GIGYF1: variants seen among roughly 807,000 people sequenced by gnomAD.
GIGYF1 encodes GRB10 interacting GYF protein 1, also known as GRB10-interacting GYF protein 1.
GIGYF1 carries 84 observed loss-of-function variants against 147.1 expected under a neutral mutation model. That is an observed-to-expected ratio of 0.57 (90% CI 0.48 to 0.68). GIGYF1 has a LOEUF of 0.68. Ranked by LOEUF, GIGYF1 falls within the 30% of genes least tolerant of loss-of-function variation. GIGYF1 has a pLI of 0.00. For missense variants in GIGYF1, 1,485 were observed against 1,393.7 expected, an observed-to-expected ratio of 1.07 and a Z score of -1.04; for synonymous variants, 752 against 589.5, an observed-to-expected ratio of 1.28 and a Z score of -3.99.
In GIGYF1 at chr7:100,688,524, G is replaced by A. The variant is rs1017606691; in HGVS notation, c.-134-9C>T. 23 of 661,014 alleles carry A rather than the reference G, an allele frequency of 3.5e-5. No homozygotes were observed. The highest frequency in any genetic ancestry group is 5.6e-5 in the Non-Finnish European group (20 of 358,518). 40.9% of individuals were successfully genotyped at this position (661,014 alleles called of 1,614,324 possible). A position where few individuals can be genotyped will look rare whatever the true frequency, so the allele number is the denominator to read the frequency against. On this transcript the variant is annotated splice_polypyrimidine_tract_variant and intron_variant, in intron 2 of 26. Coordinates refer to ENST00000678049, the MANE Select transcript of GIGYF1 (RefSeq NM_001375765.1). The stretch of plus-strand genomic sequence containing the variant: ...TCCAGACGGTGAAAGACCTGGGGGA[G>A]GCGAGGAGATGGGAAGCTCGAGTCC...
intron 19 of GIGYF1, 56 bp from the exon 20 acceptor site, chr7:100,683,688 C>T (rs541968558): frequency 3.8e-5 from 59 of 1,572,856 alleles, no homozygotes; most frequent in Non-Finnish European, 5.0e-5. Context: ...GCCCACTGAT[C>T]TAGTCCAGCC....
rs1209697423 is a variant in GIGYF1, at chr7:100,684,404, G to T, written c.1629+46C>A. 2.5e-6 allele frequency: 4 copies of T among 1,606,430 alleles called. No homozygotes were observed. In the African/African-American group the frequency reaches 5.3e-5, roughly 21 times the overall value. On this transcript the variant is annotated intron_variant, in intron 16 of 26. Coordinates refer to ENST00000678049, the MANE Select transcript of GIGYF1 (RefSeq NM_001375765.1). The stretch of plus-strand genomic sequence containing the variant: ...AGGGGACTCTGCTGGACTCCTGCCG[G>T]CACCCCTCACACCCTGTCCCTCCAT...
chr7:100,685,399 C>T lies in GIGYF1; in HGVS notation c.1137G>A (p.Trp379Ter). The T allele has an allele frequency of 1.3e-6, 2 of 1,591,046 alleles. No homozygotes were observed. Among genetic ancestry groups the T allele is most frequent in the Non-Finnish European group, 1.7e-6 (2 of 1,174,516 alleles). Residue 379 changes from tryptophan to a stop codon, truncating the protein, a stop_gained, in exon 13 of 27, where the codon TGG (tryptophan) becomes TGA (stop). Transcript: ENST00000678049. LOFTEE classifies it high-confidence loss of function. ...PSPLPTLGPL[W>*]GTNGDGDETA... Reference sequence around the variant, plus strand: ...TTTCGTCCCCATCCCCGTTTGTCCCCCAGAGTGGGCCCAGGGTGGGCAGTG... The same window carrying T: ...TTTCGTCCCCATCCCCGTTTGTCCCTCAGAGTGGGCCCAGGGTGGGCAGTG...
In GIGYF1 at chr7:100,686,656, G is replaced by A. The variant is rs1393200204; in HGVS notation, c.687C>T (p.Ala229=). The A allele has an allele frequency of 1.9e-6, 3 of 1,611,310 alleles. No homozygotes were observed. Among genetic ancestry groups the A allele is most frequent in the South Asian group, 1.1e-5 (1 of 90,914 alleles). ...PRRDGDRWRS[A]SPDGGPRSAG... is the part of the protein sequence containing the mutation. ...ACCAGGCCCCAATCTCACCAGGGCT[G>A]GCGGAGCGCCAGCGGTCGCCGTCTC... Residue 229 remains alanine, a synonymous_variant, in exon 10 of 27, where the codon GCC becomes GCT. Transcript: ENST00000678049.
rs1805096722 is a variant in GIGYF1, at chr7:100,684,226, G to A, written c.1730+11C>T. 6.2e-7 allele frequency: 1 copy of A among 1,609,866 alleles called. No homozygotes were observed. The highest frequency in any genetic ancestry group is 1.3e-5 in the African/African-American group (1 of 74,858). On this transcript the variant is annotated intron_variant, in intron 17 of 26. Coordinates refer to ENST00000678049, the MANE Select transcript of GIGYF1 (RefSeq NM_001375765.1). ...CGGGCCTTCTCCCAGCCCACCCCAG[G>A]CCCCCCATACCTGCTGACCAGCTGG...
At chr7:100,693,013 G>A (rs1805938973) in intron 1 of GIGYF1, among the ~76,000 whole-genome samples, 1 of 152,154 alleles carries the variant, frequency 6.6e-6, no homozygotes, top group South Asian at 2.1e-4. Context: ...AGGGGTTGGC[G>A]GGGTTCTAAA....
Position 100,687,508 on chromosome 7 carries a change from G to A in GIGYF1, c.370C>T (p.Arg124Ter). 1.2e-6 allele frequency: 2 copies of A among 1,611,140 alleles called. No individual in the cohort carries two copies. Among genetic ancestry groups the A allele is most frequent in the Non-Finnish European group, 8.5e-7 (1 of 1,178,940 alleles). ...GGACACGCCATCACCCCTCTACCTC[G>A]GCTCCGCGTGCTGCCCCTGCCTCGG... is the stretch of plus-strand genomic sequence containing the variant. Reference protein sequence around the residue: ...TSRGRGSTRSRGRGRGDSCFY... With the variant: ...TSRGRGSTRS Residue 124 changes from arginine to a stop codon, truncating the protein, a stop_gained, in exon 7 of 27, where the codon CGA (arginine) becomes TGA (stop). Transcript: ENST00000678049. LOFTEE classifies it high-confidence loss of function.
chr7:100,685,975 T>G lies in GIGYF1; in HGVS notation c.1053A>C (p.Ala351=), dbSNP rs1381466153. 1.9e-6 allele frequency: 3 copies of G among 1,611,638 alleles called. No individual in the cohort carries two copies. Among genetic ancestry groups the G allele is most frequent in the Non-Finnish European group, 2.5e-6 (3 of 1,179,786 alleles). ...CCCGCTGGGCACCCCGCGGCTCACCTGCCTCAGGCCCTTCCTCCTCTAGCC... is the reference window on the plus strand; with the variant it reads ...CCCGCTGGGCACCCCGCGGCTCACCGGCCTCAGGCCCTTCCTCCTCTAGCC... The part of the protein sequence containing the change: ...SEGLEEEGPE[A]GGKELTPLPP... The change falls in exon 12 of 27, where the codon GCA becomes GCC. Residue 351 remains alanine (A), a splice_region_variant and synonymous_variant. Coordinates refer to ENST00000678049, the MANE Select transcript of GIGYF1 (RefSeq NM_001375765.1).
At chr7:100,684,193 G>A in intron 17 of GIGYF1, 36 bp from the exon 18 acceptor site, 2 of 1,609,370 alleles carry the variant, frequency 1.2e-6, no homozygotes, top group Non-Finnish European at 1.7e-6. Flanking sequence ...GGGCCACAGA[G>A]CCAGCGCCGG....
chr7:100,681,498 T>C lies in GIGYF1; in HGVS notation c.*221A>G, dbSNP rs1322570694. Reference sequence around the variant, plus strand: ...TCTCCTAATGTTTTCTTCAGTCGTTTAAAATTAAAAAAAAAAATAAAAAGA... The same window carrying C: ...TCTCCTAATGTTTTCTTCAGTCGTTCAAAATTAAAAAAAAAAATAAAAAGA... On this transcript the variant is annotated 3_prime_UTR_variant, in exon 27 of 27. Coordinates refer to ENST00000678049, the MANE Select transcript of GIGYF1 (RefSeq NM_001375765.1). 2 of 281,246 alleles carry C rather than the reference T, an allele frequency of 7.1e-6. No homozygotes were observed. The highest frequency in any genetic ancestry group is 9.0e-5 in the Admixed American group (1 of 11,118). The allele number at this position is 281,246 out of a possible 1,614,324, so 17.4% of individuals were successfully genotyped here. A position where few individuals can be genotyped will look rare whatever the true frequency, so the allele number is the denominator to read the frequency against.
rs1805008838 is a variant in GIGYF1, at chr7:100,683,585, CCT to C, written c.2015_2016del (p.Gln672ArgfsTer12). ...LWDIPINSST[Q>X]GPILEQLQLQ... is the part of the protein sequence containing the mutation. The stretch of plus-strand genomic sequence containing the variant: ...AGCTGGAGTTGTTCTAGAATTGGAC[CCT>C]GAGTCGAAGAGTTAATTGGTATGTC... On this transcript the variant is annotated frameshift_variant, in exon 20 of 27. Coordinates refer to ENST00000678049, the MANE Select transcript of GIGYF1 (RefSeq NM_001375765.1). LOFTEE classifies it high-confidence loss of function. The C allele has an allele frequency of 6.2e-7, 1 of 1,614,224 alleles. No homozygotes were observed. Among genetic ancestry groups the C allele is most frequent in the Non-Finnish European group, 8.5e-7 (1 of 1,180,024 alleles).
chr7:100,685,033 T>G lies in GIGYF1; in HGVS notation c.1290+16A>C. The G allele has an allele frequency of 6.4e-7, 1 of 1,560,668 alleles. No individual in the cohort carries two copies. The highest frequency in any genetic ancestry group is 8.7e-7 in the Non-Finnish European group (1 of 1,150,658). On this transcript the variant is annotated intron_variant, in intron 14 of 26. Transcript: ENST00000678049. ...GAAGTGGGAAGGGTCCCTCCCGCTT[T>G]CTCAGGCCCCCACACCTGCTGCAGG...
chr7:100,691,849 G>A (rs1417411223), intron 1 of GIGYF1, among the ~76,000 whole-genome samples: 1 of 152,242 alleles, frequency 6.6e-6, no homozygotes, highest in Non-Finnish European at 1.5e-5. Context: ...GACAAGGGGC[G>A]AGGACACGCT....
chr7:100,689,111 C>T lies in GIGYF1; in HGVS notation c.-654G>A, dbSNP rs1805631840. On this transcript the variant is annotated 5_prime_UTR_variant, in exon 2 of 27. Transcript: ENST00000678049. ...CCAGGGGCTTGGTCTGGGGAGAAACCCAGTGAAAAGGAGCAGGAGGTGACT... is the reference window on the plus strand; with the variant it reads ...CCAGGGGCTTGGTCTGGGGAGAAACTCAGTGAAAAGGAGCAGGAGGTGACT... The T allele has an allele frequency of 6.6e-6, 1 of 152,338 alleles. No homozygotes were observed. The highest frequency in any genetic ancestry group is 2.4e-5 in the African/African-American group (1 of 41,374). The allele number at this position is 152,338 out of a possible 1,614,324, so 9.4% of individuals were successfully genotyped here. A position where few individuals can be genotyped will look rare whatever the true frequency, so the allele number is the denominator to read the frequency against.
intron 21 of GIGYF1, 28 bp downstream of exon 21, chr7:100,683,276 C>T (rs767972301): frequency 9.3e-6 from 15 of 1,613,502 alleles, no homozygotes; most frequent in African/African-American, 1.3e-5. Flanking sequence ...GTTGTCCACC[C>T]AGCCAGCTGA....
Position 100,682,498 on chromosome 7 carries a change from G to T in GIGYF1, c.2601-16C>A. 6.2e-7 allele frequency: 1 copy of T among 1,609,310 alleles called. No individual in the cohort carries two copies. Among genetic ancestry groups the T allele is most frequent in the Non-Finnish European group, 8.5e-7 (1 of 1,179,620 alleles). The stretch of plus-strand genomic sequence containing the variant: ...GTATGAGTCACTGAAGGGGGAGGGT[G>T]AGTCAGGGTTGGAAATCAGCTGGCA... On this transcript the variant is annotated splice_polypyrimidine_tract_variant and intron_variant, in intron 23 of 26. Coordinates refer to ENST00000678049, the MANE Select transcript of GIGYF1 (RefSeq NM_001375765.1).
At position 100,684,021 on chromosome 7, in the gene GIGYF1, T is replaced by C; in HGVS notation, c.1867A>G (p.Arg623Gly). 7.1e-7 allele frequency: 1 copy of C among 1,399,402 alleles called. No individual in the cohort carries two copies. The highest frequency in any genetic ancestry group is 2.0e-4 in the Middle Eastern group (1 of 5,076). The allele number at this position is 1,399,402 out of a possible 1,614,324, so 86.7% of individuals were successfully genotyped here. A position where few individuals can be genotyped will look rare whatever the true frequency, so the allele number is the denominator to read the frequency against. Residue 623 changes from arginine (R) to glycine (G), a missense_variant and splice_region_variant, in exon 18 of 27, where the codon AGA becomes GGA. Physicochemically the swap from Arg to Gly is moderately radical, Grantham distance 125 (BLOSUM62 -2). Transcript: ENST00000678049. ...LQQLQALKPP[R>G]GGDQNLLPTM... is the part of the protein sequence containing the mutation. ...TGAGGGCTCGCACGCACCACGCACC[T>C]GGGGGGTTTGAGCGCCTGGAGCTGC...
intron 5 of GIGYF1, 33 bp from the exon 6 acceptor site, chr7:100,687,916 A>G: frequency 6.2e-7 from 1 of 1,612,838 alleles, no homozygotes; most frequent in Admixed American, 1.7e-5. Flanking sequence ...AAGACACCAC[A>G]TGCTGCCAGA....
chr7:100,686,551 C>A, intron 10 of GIGYF1, 98 bp downstream of exon 10: 1 of 1,522,224 alleles, frequency 6.6e-7, no homozygotes, highest in Non-Finnish European at 8.8e-7. Flanking sequence ...CCACACCAGC[C>A]AGCCTCTGCT....
Sources: allele counts gnomAD v4.1 joint callset (sites outside exome capture counted in the v4.1 genomes callset), GRCh38; gene constraint gnomAD v4.1.1; transcripts MANE v1.5; gene names NCBI Gene and HGNC (gene_info 2026-07-23, HGNC 2026-07-21).